SOX5: variants seen among roughly 807,000 people sequenced by gnomAD.
SOX5 encodes the protein SRY-box transcription factor 5.
SOX5 carries 9 observed loss-of-function variants against 92.0 expected under a neutral mutation model. The observed-to-expected ratio is 0.10, with a 90% CI of 0.06 to 0.17. SOX5 has a LOEUF of 0.17. Among genes scored for constraint, SOX5 ranks in the 10% least tolerant of loss-of-function variants. SOX5 has a pLI of 1.00. For missense variants in SOX5, 642 were observed against 944.5 expected (o/e 0.68, Z 4.20); for synonymous variants, 344 against 336.3 (o/e 1.02, Z -0.25).
chr12:23,935,859 T>G (rs552636269), intron 1 of SOX5, among the ~76,000 whole-genome samples: 1 of 151,318 alleles, frequency 6.6e-6, no homozygotes, highest in African/African-American at 2.4e-5. Context: ...TAACAGATTA[T>G]AAAGTTATGG....
chr12:23,760,166 C>A (rs891515674), intron 3 of SOX5, among the ~76,000 whole-genome samples: 18 of 152,166 alleles, frequency 1.2e-4, no homozygotes, highest in African/African-American at 4.1e-4. Context: ...TCATTATTTG[C>A]ATAGCATTTC....
chr12:23,938,303 T>G (rs1191554817), intron 1 of SOX5, among the ~76,000 whole-genome samples: 3 of 151,064 alleles, frequency 2.0e-5, no homozygotes, highest in Non-Finnish European at 4.5e-5. Flanking sequence ...ATCTATGTAT[T>G]TCTTCAAGCT....
At chr12:24,391,155 T>C (rs1020233977) in intron 1 of SOX5, among the ~76,000 whole-genome samples, 1 of 152,192 alleles carries the variant, frequency 6.6e-6, no homozygotes, top group African/African-American at 2.4e-5. Flanking sequence ...TGGTTTTAAT[T>C]TGCATTTCTC....
At chr12:24,361,025 T>G (rs1182570472) in intron 2 of SOX5, among the ~76,000 whole-genome samples, 3 of 152,144 alleles carry the variant, frequency 2.0e-5, no homozygotes, top group Non-Finnish European at 4.4e-5. Flanking sequence ...TATGGTTCAT[T>G]AACTCGCTTG....
chr12:23,923,649 T>C (rs1939111939), intron 1 of SOX5, among the ~76,000 whole-genome samples: 1 of 152,130 alleles, frequency 6.6e-6, no homozygotes, highest in Non-Finnish European at 1.5e-5. Flanking sequence ...AGAACAATAC[T>C]TTTTATTGCT....
At chr12:24,011,217 A>T (rs1049320830) in intron 4 of SOX5, among the ~76,000 whole-genome samples, 3 of 115,494 alleles carry the variant, frequency 2.6e-5, no homozygotes, top group South Asian at 2.3e-4. Context: ...TAATCAAATT[A>T]AAAAAAATAG....
At chr12:24,413,952 A>G (rs989179391) in intron 1 of SOX5, among the ~76,000 whole-genome samples, 1 of 152,200 alleles carries the variant, frequency 6.6e-6, no homozygotes, top group Admixed American at 6.5e-5. Context: ...AATTCCCAAA[A>G]TATTTTCTAT....
At chr12:23,626,671 CTTTTT>C (rs370910356) in intron 8 of SOX5, among the ~76,000 whole-genome samples, 3 of 116,516 alleles carry the variant, frequency 2.6e-5, no homozygotes, top group Middle Eastern at 0.01. Context: ...TTCATTAGTG[CTTTTT>C]TTTTTTTTTT....
chr12:23,770,614 C>T (rs977336563), intron 3 of SOX5, among the ~76,000 whole-genome samples: 6 of 151,974 alleles, frequency 3.9e-5, no homozygotes, highest in Middle Eastern at 3.4e-3. Flanking sequence ...ATTCTCTGAA[C>T]GGTATTCCTA....
chr12:24,214,271 T>C (rs1486237296), intron 3 of SOX5, among the ~76,000 whole-genome samples: 1 of 152,068 alleles, frequency 6.6e-6, no homozygotes, highest in Non-Finnish European at 1.5e-5. Flanking sequence ...AGTCACTTTA[T>C]CAGAGACAGA....
At chr12:23,535,000 G>A (rs147328200) in intron 14 of SOX5, among the ~76,000 whole-genome samples, 7 of 152,180 alleles carry the variant, frequency 4.6e-5, no homozygotes, top group South Asian at 2.1e-4. Context: ...GTGAGCCACC[G>A]CACCAGGCCT....
Position 23,603,432 on chromosome 12 carries a change from A to AATATATATATAAAATATATATAT in SOX5, c.1164+932_1164+954dup, listed in dbSNP as rs1555193634. Among the ~76,000 whole-genome samples the AATATATATATAAAATATATATAT allele has an allele frequency of 2.1e-3, 193 of 90,482 alleles. 1 individual carries two copies. The highest frequency in any genetic ancestry group is 4.0e-3 in the East Asian group (11 of 2,726). The allele number at this position is 90,482 out of a possible 152,430, so 59.4% of individuals were successfully genotyped here. The stretch of plus-strand genomic sequence containing the variant: ...ATTTTCTACATAATTCAGCAAAATA[A>AATATATATATAAAATATATATAT]ATATATATATAAAATATATATATAT... On this transcript the variant is annotated intron_variant, in intron 9 of 14. Transcript: ENST00000451604.
At chr12:24,102,399 C>A (rs1006873763) in intron 4 of SOX5, among the ~76,000 whole-genome samples, 2 of 152,150 alleles carry the variant, frequency 1.3e-5, no homozygotes, top group Non-Finnish European at 1.5e-5. Flanking sequence ...CAGCCGACAG[C>A]AGCATGAGTA....
At chr12:24,113,255 T>TAAA (rs10717747) in intron 4 of SOX5, among the ~76,000 whole-genome samples, 25 of 118,150 alleles carry the variant, frequency 2.1e-4, no homozygotes, top group Admixed American at 4.1e-4. Flanking sequence ...TGTAGAATCA[T>TAAA]AAAAAAAAAA....
chr12:24,163,760 G>T (rs1953053709), intron 4 of SOX5, among the ~76,000 whole-genome samples: 1 of 151,854 alleles, frequency 6.6e-6, no homozygotes, highest in South Asian at 2.1e-4. Context: ...TTAGCCTCTT[G>T]TTCAGTGCTT....
intron 4 of SOX5, among the ~76,000 whole-genome samples, chr12:24,032,553 T>C (rs531128473): frequency 6.6e-6 from 1 of 151,908 alleles, no homozygotes; most frequent in Non-Finnish European, 1.5e-5. Context: ...GCAAATTTTG[T>C]ATGAAGAATT....
Position 23,640,565 on chromosome 12 carries a change from A to G in SOX5, c.1017+247T>C, listed in dbSNP as rs77296492. On this transcript the variant is annotated intron_variant, in intron 8 of 14. Transcript: ENST00000451604. ...GGCACGCAGTAATCAAAGCAAAACTACAGCTCACTTTCTTAATAATACCGG... is the reference window on the plus strand; with the variant it reads ...GGCACGCAGTAATCAAAGCAAAACTGCAGCTCACTTTCTTAATAATACCGG... Among the ~76,000 whole-genome samples the G allele has an allele frequency of 5.0e-3, 767 of 152,322 alleles. 4 individuals are homozygous for G. The highest frequency in any genetic ancestry group is 0.018 in the African/African-American group (743 of 41,564).
intron 4 of SOX5, among the ~76,000 whole-genome samples, chr12:24,115,023 T>A (rs1325298215): frequency 6.6e-6 from 1 of 152,216 alleles, no homozygotes. Flanking sequence ...ATAAAAGTTT[T>A]ATAAATTTCA....
intron 5 of SOX5, 103 bp downstream of exon 5, chr12:23,740,764 G>T: frequency 1.0e-6 from 1 of 968,878 alleles, no homozygotes; most frequent in Non-Finnish European, 1.5e-6. Flanking sequence ...CTGGGGAGGT[G>T]GAAGGGACTC....
Sources: gnomAD v4.1 joint callset for allele counts (sites outside exome capture counted in the v4.1 genomes callset) on GRCh38, gnomAD v4.1.1 for gene constraint, MANE v1.5 for transcripts, NCBI Gene and HGNC (gene_info 2026-07-23, HGNC 2026-07-21) for gene names.